PCDH15: variants seen among roughly 807,000 people sequenced by gnomAD.
PCDH15 encodes protocadherin-15.
Under a neutral mutation model 178.5 loss-of-function variants are expected in PCDH15, and 129 were observed. The observed-to-expected ratio is 0.72, with a 90% CI of 0.63 to 0.84. The LOEUF (loss-of-function observed/expected upper bound fraction) is 0.84. PCDH15 is among the 40% of genes least tolerant of loss of function. The pLI, the probability that PCDH15 is intolerant of heterozygous loss-of-function variation, is 0.00. For missense variants in PCDH15, 2,230 were observed against 2,099.9 expected, an observed-to-expected ratio of 1.06 and a Z score of -1.21; for synonymous variants, 800 against 732.0, an observed-to-expected ratio of 1.09 and a Z score of -1.50.
intron 2 of PCDH15, among the ~76,000 whole-genome samples, chr10:55,374,653 A>G (rs1374852743): frequency 6.6e-6 from 1 of 152,046 alleles, no homozygotes; most frequent in African/African-American, 2.4e-5. Context: ...TACTATTAGT[A>G]TATGTAAAAA....
In PCDH15 at chr10:53,805,186, T is replaced by C. The variant is rs1841074975; in HGVS notation, c.*1393A>G. 6.6e-6 allele frequency: 1 copy of C among 152,046 alleles called. No individual in the cohort carries two copies. The highest frequency in any genetic ancestry group is 1.5e-5 in the Non-Finnish European group (1 of 67,960). The allele number at this position is 152,046 out of a possible 1,614,324, so 9.4% of individuals were successfully genotyped here. A position where few individuals can be genotyped will look rare whatever the true frequency, so the allele number is the denominator to read the frequency against. ...AGGGGAATAAATAATAGTGCATTAT[T>C]CAGTCCTTCAACCATATATTAAGCA... On this transcript the variant is annotated 3_prime_UTR_variant, in exon 38 of 38. Coordinates refer to ENST00000644397, the MANE Select transcript of PCDH15 (RefSeq NM_001384140.1).
chr10:54,163,049 T>C (rs2045874877), intron 13 of PCDH15, among the ~76,000 whole-genome samples: 1 of 152,092 alleles, frequency 6.6e-6, no homozygotes, highest in African/African-American at 2.4e-5. Flanking sequence ...CATATCCTGA[T>C]GATTTGTTCC....
intron 2 of PCDH15, among the ~76,000 whole-genome samples, chr10:55,498,296 G>A (rs556835624): frequency 1.3e-4 from 20 of 152,012 alleles, no homozygotes; most frequent in South Asian, 1.0e-3. Flanking sequence ...AACCTAGATA[G>A]CTTCTGATAA....
At chr10:54,409,936 T>G (rs1953241534) in intron 3 of PCDH15, among the ~76,000 whole-genome samples, 1 of 152,126 alleles carries the variant, frequency 6.6e-6, no homozygotes, top group Non-Finnish European at 1.5e-5. Flanking sequence ...CTCTTGGACT[T>G]CCAAGCCTCC....
At chr10:54,461,975 T>C (rs1156969963) in intron 3 of PCDH15, among the ~76,000 whole-genome samples, 1 of 151,982 alleles carries the variant, frequency 6.6e-6, no homozygotes, top group Non-Finnish European at 1.5e-5. Context: ...TATGATAAAA[T>C]CTTAGAGAAA....
intron 8 of PCDH15, among the ~76,000 whole-genome samples, chr10:54,245,084 G>T (rs1005436724): frequency 1.3e-5 from 2 of 151,996 alleles, no homozygotes; most frequent in Non-Finnish European, 2.9e-5. Flanking sequence ...GCACTCCCTA[G>T]GTTTTTCACC....
intron 10 of PCDH15, among the ~76,000 whole-genome samples, chr10:54,209,805 G>C (rs1473840760): frequency 6.6e-6 from 1 of 151,838 alleles, no homozygotes; most frequent in Non-Finnish European, 1.5e-5. Context: ...ATTGAATCAG[G>C]GTGTTCTCTT....
intron 1 of PCDH15, among the ~76,000 whole-genome samples, chr10:54,739,627 G>A (rs1282445752): frequency 2.0e-5 from 3 of 146,840 alleles, no homozygotes; most frequent in Non-Finnish European, 4.5e-5. Flanking sequence ...AAGCAATCCA[G>A]AACTAAAAGA....
intron 23 of PCDH15, among the ~76,000 whole-genome samples, chr10:53,957,793 A>G (rs1175699267): frequency 2.6e-5 from 4 of 152,124 alleles, no homozygotes; most frequent in East Asian, 1.9e-4. Flanking sequence ...TTGGAATCCA[A>G]TCCAAAGGAT....
chr10:54,195,875 A>G lies in PCDH15; in HGVS notation c.1113T>C (p.Asn371=). 1 of 1,613,666 alleles carries G rather than the reference A, an allele frequency of 6.2e-7. No individual in the cohort carries two copies. ...FDLVIKAEQD[N]GHPLPAFAGL... is the part of the protein sequence containing the mutation. Reference sequence around the variant, plus strand: ...CGGCAAAGGCAGGAAGAGGATGACCATTGTCTTGTTCAGCCTAAAATTGAA... The same window carrying G: ...CGGCAAAGGCAGGAAGAGGATGACCGTTGTCTTGTTCAGCCTAAAATTGAA... Residue 371 remains asparagine (N), a synonymous_variant, in exon 11 of 38, where the codon AAT becomes AAC. Coordinates refer to ENST00000644397, the MANE Select transcript of PCDH15 (RefSeq NM_001384140.1).
chr10:54,240,477 C>T (rs1278813805), intron 8 of PCDH15, among the ~76,000 whole-genome samples: 1 of 151,796 alleles, frequency 6.6e-6, no homozygotes, highest in Admixed American at 6.6e-5. Context: ...ACCTCTTTTT[C>T]CCTAAGTTAG....
At position 53,820,441 on chromosome 10, in the gene PCDH15, G is replaced by T. The variant is rs911437715; in HGVS notation, c.4368-211C>A. 2.2e-4 allele frequency among the ~76,000 whole-genome samples: 34 copies of T among 151,954 alleles called. 1 individual carries two copies. Among genetic ancestry groups the T allele is most frequent in the Admixed American group, 2.2e-3 (34 of 15,234 alleles). On this transcript the variant is annotated intron_variant, in intron 32 of 37. Transcript: ENST00000644397. ...GGATGAAGAAAACCTCTGAAATAAC[G>T]CATTGAAGGGGGCTCTCAACTTATA...
intron 16 of PCDH15, among the ~76,000 whole-genome samples, chr10:54,089,327 G>C (rs944074504): frequency 1.2e-4 from 18 of 152,160 alleles, no homozygotes; most frequent in African/African-American, 4.1e-4. Flanking sequence ...GAAATATCAG[G>C]GAAGAGCCAA....
chr10:54,248,252 T>G (rs2056178853), intron 8 of PCDH15, among the ~76,000 whole-genome samples: 1 of 151,914 alleles, frequency 6.6e-6, no homozygotes, highest in Non-Finnish European at 1.5e-5. Context: ...CTATTTAACT[T>G]GAAGCCAAGC....
intron 25 of PCDH15, among the ~76,000 whole-genome samples, chr10:53,931,500 G>A (rs1005895793): frequency 6.6e-6 from 1 of 152,082 alleles, no homozygotes; most frequent in Non-Finnish European, 1.5e-5. Flanking sequence ...AAACAAAACA[G>A]ATACAAACTT....
chr10:55,299,644 A>G (rs1206085715), intron 1 of PCDH15, among the ~76,000 whole-genome samples: 1 of 152,182 alleles, frequency 6.6e-6, no homozygotes, highest in East Asian at 1.9e-4. Context: ...ACTCTTTCAG[A>G]TTTCTTACAC....
rs143911646 is a variant in PCDH15, at chr10:53,932,558, A to G, written c.3373+6257T>C. 2.6e-5 allele frequency among the ~76,000 whole-genome samples: 4 copies of G among 152,284 alleles called. No individual in the cohort carries two copies. In the East Asian group the frequency reaches 7.7e-4, roughly 29 times the overall value. ...TTAAACTTGAGAAGGGAAAGCATAT[A>G]TTTCCCCAGCCATTGTATTTTGGGG... On this transcript the variant is annotated intron_variant, in intron 25 of 37. Transcript: ENST00000644397.
chr10:54,509,702 C>A (rs1441175144), intron 3 of PCDH15, among the ~76,000 whole-genome samples: 2 of 152,124 alleles, frequency 1.3e-5, no homozygotes, highest in African/African-American at 4.8e-5. Context: ...GGTTTAACTT[C>A]TTCCTCTGCC....
In PCDH15 at chr10:53,806,469, G is replaced by T. The variant is rs1841164384; in HGVS notation, c.*110C>A. The T allele has an allele frequency of 1.3e-5, 12 of 921,402 alleles. No homozygotes were observed. Among genetic ancestry groups the T allele is most frequent in the East Asian group, 2.7e-5 (1 of 37,554 alleles). The allele number at this position is 921,402 out of a possible 1,614,324, so 57.1% of individuals were successfully genotyped here. A position where few individuals can be genotyped will look rare whatever the true frequency, so the allele number is the denominator to read the frequency against. On this transcript the variant is annotated 3_prime_UTR_variant, in exon 38 of 38. Coordinates refer to ENST00000644397, the MANE Select transcript of PCDH15 (RefSeq NM_001384140.1). ...TTAAAGCATATTGTTCAAAGTTTTAGCTTGTGTGCATGATATAAATTCCAT... is the reference window on the plus strand; with the variant it reads ...TTAAAGCATATTGTTCAAAGTTTTATCTTGTGTGCATGATATAAATTCCAT...
Sources: allele counts gnomAD v4.1 joint callset (sites outside exome capture counted in the v4.1 genomes callset), GRCh38; gene constraint gnomAD v4.1.1; transcripts MANE v1.5; gene names NCBI Gene and HGNC (gene_info 2026-07-23, HGNC 2026-07-21).